Variants in FRY observed in about 807,000 individuals in gnomAD.
FRY encodes the protein FRY microtubule binding protein, also known as protein furry homolog.
In FRY, 128 loss-of-function variants were observed where a neutral mutation model predicts 348.4. That is an observed-to-expected ratio of 0.37 (90% confidence interval 0.32 to 0.43). The LOEUF (loss-of-function observed/expected upper bound fraction) is 0.43, where lower values mean the gene tolerates loss of function less well. FRY is among the 20% of genes least tolerant of loss of function. The pLI is 1.00. For synonymous variants in FRY, 1,370 were observed against 1,374.7 expected, an observed-to-expected ratio of 1.00 and a Z score of 0.08; for missense variants, 2,736 against 3,695.2, an observed-to-expected ratio of 0.74 and a Z score of 6.73.
In FRY at chr13:32,055,300, C is replaced by G. The variant is rs137919139; in HGVS notation, c.70+23435C>G. 3.6e-3 allele frequency among the ~76,000 whole-genome samples: 541 copies of G among 152,284 alleles called. 1 individual carries two copies. The highest frequency in any genetic ancestry group is 0.012 in the African/African-American group (502 of 41,556). On this transcript the variant is annotated intron_variant, in intron 1 of 60. Coordinates refer to ENST00000542859, the MANE Select transcript of FRY (RefSeq NM_023037.3). ...GCTCAAGAGTCTCCCACCTCGACCT[C>G]CCAAAGTGGTGGGATTGCAGGAATG...
At chr13:32,078,600 C>T (rs1875266065) in intron 1 of FRY, among the ~76,000 whole-genome samples, 1 of 152,036 alleles carries the variant, frequency 6.6e-6, no homozygotes, top group Non-Finnish European at 1.5e-5. Flanking sequence ...TATAATTTAC[C>T]TAAAGCAATG....
intron 7 of FRY, among the ~76,000 whole-genome samples, chr13:32,127,650 G>A (rs1285603416): frequency 6.6e-6 from 1 of 151,924 alleles, no homozygotes; most frequent in Non-Finnish European, 1.5e-5. Flanking sequence ...GTGGTGGCAC[G>A]CACCTGTAAT....
At chr13:32,251,095 A>G (rs1449141335) in intron 49 of FRY, among the ~76,000 whole-genome samples, 1 of 152,238 alleles carries the variant, frequency 6.6e-6, no homozygotes, top group Admixed American at 6.5e-5. Flanking sequence ...AGCAGTTTCC[A>G]CATAACAAAC....
At chr13:32,076,989 T>A (rs1875112275) in intron 1 of FRY, among the ~76,000 whole-genome samples, 1 of 152,182 alleles carries the variant, frequency 6.6e-6, no homozygotes, top group Non-Finnish European at 1.5e-5. Flanking sequence ...AGCAAACTGA[T>A]CAGTGAGGAC....
At chr13:32,286,995 T>TA (rs965923723) in intron 58 of FRY, among the ~76,000 whole-genome samples, 112 of 139,152 alleles carry the variant, frequency 8.0e-4, no homozygotes, top group Middle Eastern at 3.6e-3. Context: ...CCATCTCTAC[T>TA]AAAAAAAAAA....
chr13:32,248,099 A>C (rs537554510), intron 48 of FRY, among the ~76,000 whole-genome samples: 5 of 152,300 alleles, frequency 3.3e-5, no homozygotes, highest in Admixed American at 3.3e-4. Flanking sequence ...CTTATATTGA[A>C]GTCTAAGGTA....
rs180868522 is a variant in FRY at position 32,205,792 on chromosome 13, G to A, written c.4019-3061G>A. 8.6e-4 allele frequency among the ~76,000 whole-genome samples: 131 copies of A among 152,098 alleles called. 1 individual carries two copies. The highest frequency in any genetic ancestry group is 3.4e-3 in the Middle Eastern group (1 of 294). On this transcript the variant is annotated intron_variant, in intron 31 of 60. Transcript: ENST00000542859. ...TAAAAGCCTGGTTGCAGTGTGGAGG[G>A]TGGATTAGTGAACATCCAGTCTGGA...
chr13:32,067,336 T>A lies in FRY; in HGVS notation c.71-11498T>A, dbSNP rs566431906. Among the ~76,000 whole-genome samples the A allele has an allele frequency of 2.6e-5, 4 of 151,470 alleles. No individual in the cohort carries two copies. The South Asian group carries it at 8.3e-4, about 31-fold the overall frequency. On this transcript the variant is annotated intron_variant, in intron 1 of 60. Transcript: ENST00000542859. The stretch of plus-strand genomic sequence containing the variant: ...AATGCGGGGTTAGGTTAGACACAAG[T>A]CAGACTTTCAGTTCGTTTTTTTTTC...
chr13:32,045,521 A>G (rs1872975737), intron 1 of FRY, among the ~76,000 whole-genome samples: 1 of 152,234 alleles, frequency 6.6e-6, no homozygotes, highest in Non-Finnish European at 1.5e-5. Context: ...CAGGGATTGC[A>G]TGACAAATGC....
intron 1 of FRY, among the ~76,000 whole-genome samples, chr13:32,074,921 C>T (rs996498152): frequency 6.6e-6 from 1 of 152,190 alleles, no homozygotes; most frequent in Admixed American, 6.5e-5. Context: ...GGAGACCATA[C>T]TGACCTGGAC....
intron 58 of FRY, among the ~76,000 whole-genome samples, chr13:32,284,487 G>C (rs569932228): frequency 5.1e-4 from 77 of 152,310 alleles, no homozygotes; most frequent in Middle Eastern, 6.8e-3. Flanking sequence ...ATTGGCTAAA[G>C]AAATGTCTGT....
At position 32,274,961 on chromosome 13, in the gene FRY, A is replaced by G. The variant is rs1352098470; in HGVS notation, c.8256A>G (p.Glu2752=). Residue 2752 remains glutamate, a synonymous_variant, in exon 56 of 61, where the codon GAA becomes GAG. Transcript: ENST00000542859. ...SSSQMLTSCS[E]CPTLFVDAET... ...CCCAGATGCTCACCTCCTGCTCTGAATGTCCTACACTTTTTGTGGATGCCG... is the reference window on the plus strand; with the variant it reads ...CCCAGATGCTCACCTCCTGCTCTGAGTGTCCTACACTTTTTGTGGATGCCG... The G allele has an allele frequency of 1.2e-6, 2 of 1,613,910 alleles. No homozygotes were observed. The highest frequency in any genetic ancestry group is 2.2e-5 in the East Asian group (1 of 44,874).
chr13:32,275,104 T>A lies in FRY; in HGVS notation c.8286+113T>A, dbSNP rs547338861. 15 of 965,270 alleles carry A rather than the reference T, an allele frequency of 1.6e-5. No individual in the cohort carries two copies. The Middle Eastern group carries it at 8.3e-4, about 54-fold the overall frequency. 59.8% of individuals were successfully genotyped at this position (965,270 alleles called of 1,614,324 possible). On this transcript the variant is annotated intron_variant, in intron 56 of 60. Transcript: ENST00000542859. ...GTTTTAAAGATACCTTCTGGCCGGGTGCGGTGGCTCAAGCCTGTAATCCCA... is the reference window on the plus strand; with the variant it reads ...GTTTTAAAGATACCTTCTGGCCGGGAGCGGTGGCTCAAGCCTGTAATCCCA...
intron 25 of FRY, 97 bp from the exon 26 acceptor site, chr13:32,184,879 T>A (rs1882936186): frequency 1.8e-6 from 2 of 1,121,500 alleles, no homozygotes; most frequent in South Asian, 2.5e-5. Flanking sequence ...ACAACTTTAG[T>A]GTGTGAGTTG....
intron 46 of FRY, among the ~76,000 whole-genome samples, chr13:32,243,243 A>T (rs1352135984): frequency 6.6e-6 from 1 of 152,258 alleles, no homozygotes; most frequent in African/African-American, 2.4e-5. Flanking sequence ...GCCTTTAAAA[A>T]TGTCATTCTA....
At chr13:32,187,708 C>T (rs762659378) in intron 28 of FRY, 52 bp downstream of exon 28, 7 of 975,742 alleles carry the variant, frequency 7.2e-6, no homozygotes, top group Non-Finnish European at 1.2e-5. Flanking sequence ...TGTTCTGCCT[C>T]AGTTGAGTTA....
At chr13:32,051,120 T>A (rs750368099) in intron 1 of FRY, among the ~76,000 whole-genome samples, 1 of 152,224 alleles carries the variant, frequency 6.6e-6, no homozygotes, top group African/African-American at 2.4e-5. Context: ...AGATACATAC[T>A]TAATTATTTC....
Position 32,210,533 on chromosome 13 carries a change from AG to A in FRY, c.4423-330del, listed in dbSNP as rs1457661494. On this transcript the variant is annotated intron_variant, in intron 33 of 60. Coordinates refer to ENST00000542859, the MANE Select transcript of FRY (RefSeq NM_023037.3). ...CAAAAATAACTAGCAGTTTTTCCCC[AG>A]GGTTTGTATAAATAAAATTATTTCT... is the stretch of plus-strand genomic sequence containing the variant. Among the ~76,000 whole-genome samples, 4 of 152,342 alleles carry A rather than the reference AG, an allele frequency of 2.6e-5. No individual in the cohort carries two copies. In the East Asian group the frequency reaches 7.7e-4, roughly 29 times the overall value.
chr13:32,041,710 C>T (rs576682127), intron 1 of FRY, among the ~76,000 whole-genome samples: 14 of 152,268 alleles, frequency 9.2e-5, no homozygotes, highest in South Asian at 6.2e-4. Context: ...TGCAAGACAA[C>T]CTGTCTCGCT....
Sources: allele counts gnomAD v4.1 joint callset (sites outside exome capture counted in the v4.1 genomes callset), GRCh38; gene constraint gnomAD v4.1.1; transcripts MANE v1.5; gene names NCBI Gene and HGNC (gene_info 2026-07-23, HGNC 2026-07-21).